Variants in GLP2R observed in about 807,000 individuals in gnomAD.
The protein encoded by GLP2R is glucagon-like peptide 2 receptor.
A neutral mutation model predicts 68.2 loss-of-function variants in GLP2R; 59 were observed. That is an observed-to-expected ratio of 0.87 (90% CI 0.70 to 1.07). The LOEUF is 1.07. GLP2R is among the 50% of genes least tolerant of loss of function. The pLI is 0.00. For synonymous variants in GLP2R, 270 were observed against 265.4 expected, an observed-to-expected ratio of 1.02 and a Z score of -0.17; for missense variants, 548 against 677.4, an observed-to-expected ratio of 0.81 and a Z score of 2.12.
chr17:9,835,089 C>T (rs962704673), intron 2 of GLP2R, among the ~76,000 whole-genome samples: 1 of 137,008 alleles, frequency 7.3e-6, no homozygotes, highest in African/African-American at 2.8e-5. Flanking sequence ...AGTGCAGTGG[C>T]GCGATCTCAG....
At chr17:9,863,023 T>C (rs896235791) in intron 9 of GLP2R, among the ~76,000 whole-genome samples, 2 of 152,154 alleles carry the variant, frequency 1.3e-5, no homozygotes, top group Non-Finnish European at 2.9e-5. Context: ...CTAGAAGTGG[T>C]GGGAAAACCG....
At chr17:9,852,593 A>T (rs1051185580) in intron 4 of GLP2R, among the ~76,000 whole-genome samples, 1 of 152,264 alleles carries the variant, frequency 6.6e-6, no homozygotes, top group Non-Finnish European at 1.5e-5. Flanking sequence ...ATTACAAAGT[A>T]TGAATAGAAT....
chr17:9,852,552 AAATT>A (rs1214666999), intron 4 of GLP2R, among the ~76,000 whole-genome samples: 1 of 152,252 alleles, frequency 6.6e-6, no homozygotes, highest in African/African-American at 2.4e-5. Flanking sequence ...AAACCTCAGC[AAATT>A]AAACTCAAAG....
At chr17:9,839,814 G>A (rs993882533) in intron 3 of GLP2R, among the ~76,000 whole-genome samples, 2 of 152,024 alleles carry the variant, frequency 1.3e-5, no homozygotes, top group Admixed American at 6.6e-5. Context: ...TTGCCACTCA[G>A]TACCTTGGCT....
intron 11 of GLP2R, among the ~76,000 whole-genome samples, chr17:9,882,766 T>G (rs1045439362): frequency 2.0e-5 from 3 of 152,116 alleles, no homozygotes; most frequent in Non-Finnish European, 2.9e-5. Context: ...AAACCAAAAT[T>G]TTTTAAATGA....
At chr17:9,853,126 C>T (rs1597387663) in intron 4 of GLP2R, 4 of 516,502 alleles carry the variant, frequency 7.7e-6, no homozygotes, top group Admixed American at 2.3e-5. Context: ...ATTGTCTCTG[C>T]GTCAACAATG....
chr17:9,862,867 G>T lies in GLP2R; in HGVS notation c.1056+777G>T, dbSNP rs977443748. Among the ~76,000 whole-genome samples, 3 of 152,244 alleles carry T rather than the reference G, an allele frequency of 2.0e-5. No homozygotes were observed. The East Asian group carries it at 5.8e-4, about 29-fold the overall frequency. On this transcript the variant is annotated intron_variant, in intron 9 of 12. Coordinates refer to ENST00000262441, the MANE Select transcript of GLP2R (RefSeq NM_004246.3). ...TCCCCAAGGGGTTGCTGGATGATCTGTTTTTGCCATTTTATATAAATAATC... is the reference window on the plus strand; with the variant it reads ...TCCCCAAGGGGTTGCTGGATGATCTTTTTTTGCCATTTTATATAAATAATC...
At chr17:9,872,017 G>A (rs191533071) in intron 10 of GLP2R, among the ~76,000 whole-genome samples, 31 of 152,040 alleles carry the variant, frequency 2.0e-4, no homozygotes, top group Admixed American at 1.4e-3. Flanking sequence ...GCCACCACAC[G>A]TGGCCTATTC....
At chr17:9,878,850 C>A (rs1032743340) in intron 10 of GLP2R, among the ~76,000 whole-genome samples, 2 of 152,168 alleles carry the variant, frequency 1.3e-5, no homozygotes, top group African/African-American at 4.8e-5. Context: ...GCGAATGCCA[C>A]CCTGTTTTTC....
chr17:9,863,875 G>T (rs1053320137), intron 9 of GLP2R, among the ~76,000 whole-genome samples: 1 of 152,184 alleles, frequency 6.6e-6, no homozygotes, highest in Admixed American at 6.5e-5. Context: ...GCCAGCCCAA[G>T]CATATGGTGG....
chr17:9,857,628 A>G, intron 6 of GLP2R, 52 bp downstream of exon 6: 1 of 1,570,068 alleles, frequency 6.4e-7, no homozygotes, highest in African/African-American at 1.3e-5. Flanking sequence ...ATGGGTCAGT[A>G]CTGGGAATCA....
chr17:9,826,494 T>G (rs1335359714), intron 1 of GLP2R, among the ~76,000 whole-genome samples: 1 of 152,140 alleles, frequency 6.6e-6, no homozygotes, highest in Non-Finnish European at 1.5e-5. Flanking sequence ...GCATAAAACA[T>G]GTTGTGTCCT....
chr17:9,867,322 G>A (rs1238481729), intron 9 of GLP2R, among the ~76,000 whole-genome samples: 1 of 152,256 alleles, frequency 6.6e-6, no homozygotes, highest in Non-Finnish European at 1.5e-5. Context: ...TTGCTGACCA[G>A]CATCTGGGTT....
In GLP2R at chr17:9,891,612, C is replaced by T. The variant is rs1324574905; in HGVS notation, c.*1907C>T. 6.6e-6 allele frequency: 1 copy of T among 152,164 alleles called. No individual in the cohort carries two copies. Among genetic ancestry groups the T allele is most frequent in the African/African-American group, 2.4e-5 (1 of 41,442 alleles). The allele number at this position is 152,164 out of a possible 1,614,324, so 9.4% of individuals were successfully genotyped here. A position where few individuals can be genotyped will look rare whatever the true frequency, so the allele number is the denominator to read the frequency against. Reference sequence around the variant, plus strand: ...TTTTGGGGCCCCCTTAAATTTTGCACTTGAAATGGGATCCCCACTTGTGTC... The same window carrying T: ...TTTTGGGGCCCCCTTAAATTTTGCATTTGAAATGGGATCCCCACTTGTGTC... On this transcript the variant is annotated 3_prime_UTR_variant, in exon 13 of 13. Transcript: ENST00000262441.
chr17:9,830,790 CA>C lies in GLP2R; in HGVS notation c.190-3014del, dbSNP rs775536442. Among the ~76,000 whole-genome samples the C allele has an allele frequency of 3.9e-5, 6 of 152,224 alleles. No individual in the cohort carries two copies. The East Asian group carries it at 5.8e-4, about 15-fold the overall frequency. On this transcript the variant is annotated intron_variant, in intron 1 of 12. Transcript: ENST00000262441. ...CCCTTTTGATGATGTTGTCTCTTTG[CA>C]AAGCTGGGTTTTCCACAGGTCCTGT... is the stretch of plus-strand genomic sequence containing the variant.
At chr17:9,837,720 T>G (rs1268678478) in intron 3 of GLP2R, among the ~76,000 whole-genome samples, 2 of 146,424 alleles carry the variant, frequency 1.4e-5, no homozygotes, top group African/African-American at 5.4e-5. Flanking sequence ...GGTTATTTTA[T>G]TCTGAAAGAG....
intron 1 of GLP2R, among the ~76,000 whole-genome samples, chr17:9,831,050 C>T (rs2066675318): frequency 6.6e-6 from 1 of 152,196 alleles, no homozygotes; most frequent in South Asian, 2.1e-4. Flanking sequence ...AGTTTGGGAA[C>T]TGCTGGTCTA....
rs1166636808 is a variant in GLP2R at position 9,842,560 on chromosome 17, A to C, written c.448A>C (p.Thr150Pro). 6.2e-7 allele frequency: 1 copy of C among 1,614,110 alleles called. No individual in the cohort carries two copies. The highest frequency in any genetic ancestry group is 8.5e-7 in the Non-Finnish European group (1 of 1,180,014). Residue 150 changes from threonine to proline, a missense_variant, in exon 4 of 13, where the codon ACG becomes CCG. Coordinates refer to ENST00000262441, the MANE Select transcript of GLP2R (RefSeq NM_004246.3). ...GACTTGGCAGACGATAGAGAACGCC[A>C]CGGATATTTGGCAGGATGACTCCGA... is the stretch of plus-strand genomic sequence containing the variant. Reference protein sequence around the residue: ...QGTWQTIENATDIWQDDSECS... With the variant: ...QGTWQTIENAPDIWQDDSECS...
intron 10 of GLP2R, among the ~76,000 whole-genome samples, chr17:9,873,556 C>CTTTTGTTTTTTTTTTTTTTTT (rs2067115479): frequency 1.9e-5 from 1 of 52,076 alleles, no homozygotes; most frequent in Non-Finnish European, 3.4e-5. Flanking sequence ...TATGCATGGA[C>CTTTTGTTTTTTTTTTTTTTTT]TTTTTTTTTT....
Sources: gnomAD v4.1 joint callset for allele counts (sites outside exome capture counted in the v4.1 genomes callset) on GRCh38, gnomAD v4.1.1 for gene constraint, MANE v1.5 for transcripts, NCBI Gene and HGNC (gene_info 2026-07-23, HGNC 2026-07-21) for gene names.